The following PTBP2 variants were observed in gnomAD, a reference collection of about 807,000 sequenced individuals.
PTBP2 encodes the protein polypyrimidine tract binding protein 2, also known as polypyrimidine tract-binding protein 2.
Under a neutral mutation model 61.4 loss-of-function variants are expected in PTBP2, and 13 were observed. The ratio of observed to expected loss-of-function variants is 0.21; its 90% CI spans 0.14 to 0.34. The LOEUF is 0.34. Ranked by LOEUF, PTBP2 falls within the 10% of genes least tolerant of loss-of-function variation. PTBP2 has a pLI of 1.00. For missense variants in PTBP2, 405 were observed against 642.6 expected (o/e 0.63, Z 4.00); for synonymous variants, 215 against 218.5 (o/e 0.98, Z 0.14).
At chr1:96,753,000 C>G (rs770903311) in intron 3 of PTBP2, among the ~76,000 whole-genome samples, 1 of 151,982 alleles carries the variant, frequency 6.6e-6, no homozygotes, top group African/African-American at 2.4e-5. Flanking sequence ...CTGAAGAGAC[C>G]AAGAGTGGGT....
Position 96,790,630 on chromosome 1 carries a change from C to G in PTBP2, c.904+5376C>G, listed in dbSNP as rs1659692615. Among the ~76,000 whole-genome samples, 3 of 152,124 alleles carry G rather than the reference C, an allele frequency of 2.0e-5. No homozygotes were observed. The South Asian group carries it at 6.2e-4, about 32-fold the overall frequency. On this transcript the variant is annotated intron_variant, in intron 8 of 13. Coordinates refer to ENST00000674951, the MANE Select transcript of PTBP2 (RefSeq NM_021190.4). ...TGCAGGACAATTAGTTAAATTCTTG[C>G]ATTTGTTTGCTAATTTTAAGTTGGT...
intron 2 of PTBP2, among the ~76,000 whole-genome samples, chr1:96,732,324 C>T (rs988036724): frequency 1.6e-4 from 25 of 152,026 alleles, no homozygotes; most frequent in Non-Finnish European, 2.5e-4. Flanking sequence ...AAATACTTTT[C>T]TTAAATGCTA....
chr1:96,813,499 TTTG>T lies in PTBP2; in HGVS notation c.*97_*99del, dbSNP rs2101277338. ...AAGTGGGGACCAGAGTTTGATTTTTTTTGTTTTTGTTTTTTTGGGGTTTCTTTT... is the reference window on the plus strand; with the variant it reads ...AAGTGGGGACCAGAGTTTGATTTTTTTTTTTGTTTTTTTGGGGTTTCTTTT... On this transcript the variant is annotated 3_prime_UTR_variant, in exon 14 of 14. Transcript: ENST00000674951. 2 of 1,263,932 alleles carry T rather than the reference TTTG, an allele frequency of 1.6e-6. No individual in the cohort carries two copies. The highest frequency in any genetic ancestry group is 5.4e-5 in the East Asian group (2 of 37,300). 78.3% of individuals were successfully genotyped at this position (1,263,932 alleles called of 1,614,324 possible).
At chr1:96,809,577 A>G (rs138391937) in intron 11 of PTBP2, among the ~76,000 whole-genome samples, 1,534 of 152,132 alleles carry the variant, frequency 0.01, 35 homozygotes, top group African/African-American at 0.035. Context: ...CAGTGGTGCT[A>G]TTGTGGCTCA....
At chr1:96,795,085 T>C (rs1660237646) in intron 8 of PTBP2, among the ~76,000 whole-genome samples, 1 of 152,180 alleles carries the variant, frequency 6.6e-6, no homozygotes, top group African/African-American at 2.4e-5. Context: ...TTTCAGGTTA[T>C]GAAAGCGGGG....
chr1:96,760,469 CAG>C (rs1414347664), intron 3 of PTBP2, among the ~76,000 whole-genome samples: 1 of 101,258 alleles, frequency 9.9e-6, no homozygotes, highest in Non-Finnish European at 1.8e-5. Context: ...TTTTTTGAGA[CAG>C]AGTCTTGCTC....
intron 11 of PTBP2, 124 bp from the exon 12 acceptor site, chr1:96,812,588 G>C: frequency 1.2e-6 from 1 of 804,632 alleles, no homozygotes; most frequent in Non-Finnish European, 1.9e-6. Flanking sequence ...CAGTGGCTAT[G>C]GTAAATTGGT....
chr1:96,787,534 ATGTTTTTGCATCT>A (rs1659347528), intron 8 of PTBP2, among the ~76,000 whole-genome samples: 1 of 152,092 alleles, frequency 6.6e-6, no homozygotes, highest in Non-Finnish European at 1.5e-5. Flanking sequence ...ATCTGTTTTA[ATGTTTTTGCATCT>A]TGTTATAACT....
At chr1:96,796,425 T>A (rs1660398220) in intron 8 of PTBP2, among the ~76,000 whole-genome samples, 1 of 151,878 alleles carries the variant, frequency 6.6e-6, no homozygotes, top group Non-Finnish European at 1.5e-5. Flanking sequence ...ATGAAAGAAG[T>A]GAGGATTTTG....
At chr1:96,770,190 A>G (rs1412278167) in intron 4 of PTBP2, among the ~76,000 whole-genome samples, 4 of 152,020 alleles carry the variant, frequency 2.6e-5, no homozygotes, top group African/African-American at 9.7e-5. Context: ...CAGCAGGGGT[A>G]CTAGTCGCAT....
chr1:96,818,404 A>G (rs201704031), downstream of PTBP2: 2 of 152,054 alleles, frequency 1.3e-5, no homozygotes, highest in East Asian at 3.8e-4. Flanking sequence ...TCCCAGATAT[A>G]TTTTATCAAG....
chr1:96,741,045 A>G (rs928493807), intron 2 of PTBP2, among the ~76,000 whole-genome samples: 1 of 151,546 alleles, frequency 6.6e-6, no homozygotes, highest in Non-Finnish European at 1.5e-5. Context: ...TTAGCGCTGC[A>G]TGTAGATTCT....
intron 8 of PTBP2, among the ~76,000 whole-genome samples, chr1:96,788,832 TTC>T (rs1379557173): frequency 2.0e-5 from 3 of 152,228 alleles, no homozygotes; most frequent in East Asian, 1.9e-4. Flanking sequence ...TGTCTGGCTT[TTC>T]TGTTTCCTTT....
At chr1:96,729,880 G>T (rs907443043) in intron 2 of PTBP2, among the ~76,000 whole-genome samples, 5 of 151,940 alleles carry the variant, frequency 3.3e-5, no homozygotes, top group African/African-American at 1.2e-4. Context: ...GGGATCACAG[G>T]CACACACCAC....
rs577383923 is a variant in PTBP2 at position 96,744,148 on chromosome 1, C to T, written c.40-7277C>T. Among the ~76,000 whole-genome samples, 5 of 152,060 alleles carry T rather than the reference C, an allele frequency of 3.3e-5. No homozygotes were observed. The South Asian group carries it at 8.3e-4, about 25-fold the overall frequency. Reference sequence around the variant, plus strand: ...CTGAGGCAGAAAAATTACTTGAACCCGGGAGACAGAGGTTGCAGCGAGCCG... The same window carrying T: ...CTGAGGCAGAAAAATTACTTGAACCTGGGAGACAGAGGTTGCAGCGAGCCG... On this transcript the variant is annotated intron_variant, in intron 2 of 13. Transcript: ENST00000674951.
Position 96,804,954 on chromosome 1 carries a change from C to A in PTBP2, c.1044+15C>A. On this transcript the variant is annotated intron_variant, in intron 9 of 13. Coordinates refer to ENST00000674951, the MANE Select transcript of PTBP2 (RefSeq NM_021190.4). ...TAAATGAAGAGGTTAGTAAAATAAT[C>A]TCTAATGTTTATTCTTTAACTCCAT... is the stretch of plus-strand genomic sequence containing the variant. 6.5e-7 allele frequency: 1 copy of A among 1,541,692 alleles called. No individual in the cohort carries two copies. The highest frequency in any genetic ancestry group is 8.8e-7 in the Non-Finnish European group (1 of 1,139,424).
At chr1:96,815,139 C>G (rs1662422434), downstream of PTBP2, 1 of 151,342 alleles carries the variant, frequency 6.6e-6, no homozygotes, top group African/African-American at 2.4e-5. Context: ...TAATCTACTG[C>G]TTTAAAGACA....
Position 96,723,550 on chromosome 1 carries a change from T to C in PTBP2, c.9-14T>C. 1.9e-6 allele frequency: 3 copies of C among 1,568,094 alleles called. No homozygotes were observed. The highest frequency in any genetic ancestry group is 2.6e-6 in the Non-Finnish European group (3 of 1,147,974). ...AATAACAGGAGGTTGAAACTACTTATTTTTTCTTTGCAGAATCGTCACTGA... is the reference window on the plus strand; with the variant it reads ...AATAACAGGAGGTTGAAACTACTTACTTTTTCTTTGCAGAATCGTCACTGA... On this transcript the variant is annotated splice_polypyrimidine_tract_variant and intron_variant, in intron 1 of 13. Transcript: ENST00000674951.
downstream of PTBP2, chr1:96,817,309 C>A (rs905401611): frequency 1.3e-5 from 2 of 151,842 alleles, no homozygotes; most frequent in Non-Finnish European, 2.9e-5. Flanking sequence ...TTTTTTCATT[C>A]AGAAGAAAGT....
Sources: allele counts gnomAD v4.1 joint callset (sites outside exome capture counted in the v4.1 genomes callset), GRCh38; gene constraint gnomAD v4.1.1; transcripts MANE v1.5; gene names NCBI Gene and HGNC (gene_info 2026-07-23, HGNC 2026-07-21).